NLRP2: variants seen among roughly 807,000 people sequenced by gnomAD.
NLRP2 encodes NLR family pyrin domain containing 2.
In NLRP2, 107 loss-of-function variants were observed where a neutral mutation model predicts 97.2. The observed-to-expected ratio is 1.10, with a 90% CI of 0.94 to 1.29. The LOEUF (loss-of-function observed/expected upper bound fraction) is 1.29, where lower values mean the gene tolerates loss of function less well. NLRP2 is among the 50% of genes most tolerant of loss of function. NLRP2 has a pLI of 0.00. For missense variants in NLRP2, 1,495 were observed against 1,330.3 expected (o/e 1.12, Z -1.93); for synonymous variants, 663 against 551.5 (o/e 1.20, Z -2.83).
At chr19:54,986,556 C>CTTTTT (rs72407709) in intron 8 of NLRP2, among the ~76,000 whole-genome samples, 1 of 144,530 alleles carries the variant, frequency 6.9e-6, no homozygotes. Context: ...TCTTTATCAT[C>CTTTTT]TTTTTTTTTT....
intron 10 of NLRP2, among the ~76,000 whole-genome samples, chr19:54,992,791 T>C (rs1460221215): frequency 6.6e-6 from 1 of 151,852 alleles, no homozygotes; most frequent in Non-Finnish European, 1.5e-5. Flanking sequence ...ATTCCTGACC[T>C]CAGGTGATCC....
At chr19:54,973,344 GTTTTTTTT>G (rs10673643) in intron 2 of NLRP2, among the ~76,000 whole-genome samples, 6 of 92,554 alleles carry the variant, frequency 6.5e-5, no homozygotes, top group Non-Finnish European at 1.2e-4. Flanking sequence ...ATGGGTGAGG[GTTTTTTTT>G]TTTTTTTTTT....
intron 3 of NLRP2, chr19:54,977,077 T>C (rs2071285909): frequency 3.4e-6 from 1 of 296,124 alleles, no homozygotes; most frequent in East Asian, 1.1e-4. Context: ...CCTCCCAAAG[T>C]GTTGGGTTAC....
chr19:54,976,401 GAGTGC>G (rs1256126651), intron 3 of NLRP2, among the ~76,000 whole-genome samples: 5 of 150,732 alleles, frequency 3.3e-5, no homozygotes, highest in Non-Finnish European at 5.9e-5. Flanking sequence ...ACCCAGGCTG[GAGTGC>G]AGTGGTACAA....
At chr19:54,992,789 C>T (rs2072574866) in intron 10 of NLRP2, among the ~76,000 whole-genome samples, 1 of 151,822 alleles carries the variant, frequency 6.6e-6, no homozygotes, top group African/African-American at 2.4e-5. Context: ...GAATTCCTGA[C>T]CTCAGGTGAT....
chr19:54,990,758 A>G (rs995927175), intron 10 of NLRP2, 86 bp downstream of exon 10: 2 of 1,353,748 alleles, frequency 1.5e-6, no homozygotes, highest in Non-Finnish European at 2.1e-6. Context: ...TTATGAGAAC[A>G]CTTAATTCCT....
At position 54,975,912 on chromosome 19, in the gene NLRP2, G is replaced by A. The variant is rs192878289; in HGVS notation, c.325+1368G>A. ...ACTACAGGTGTGCACTGCCACACCT[G>A]ACTAATATTTGTATTTTTGGTAGGG... On this transcript the variant is annotated intron_variant, in intron 3 of 12. Coordinates refer to ENST00000448584, the MANE Select transcript of NLRP2 (RefSeq NM_017852.5). Among the ~76,000 whole-genome samples, 21 of 151,634 alleles carry A rather than the reference G, an allele frequency of 1.4e-4. No individual in the cohort carries two copies. In the Middle Eastern group the frequency reaches 0.01, roughly 74 times the overall value.
intron 7 of NLRP2, among the ~76,000 whole-genome samples, chr19:54,985,561 T>C (rs1429411188): frequency 6.7e-6 from 1 of 148,314 alleles, no homozygotes; most frequent in Non-Finnish European, 1.5e-5. Context: ...ACCTGTAATA[T>C]CAGCTACTTG....
rs112468998 is a variant in NLRP2 at position 54,976,527 on chromosome 19, A to G, written c.326-1225A>G. On this transcript the variant is annotated intron_variant, in intron 3 of 12. Transcript: ENST00000448584. The stretch of plus-strand genomic sequence containing the variant: ...ACGTCTGGCTAATTTTTGTATTTTT[A>G]GTAGAGACAGGGTTTCACCATGTTG... 3.4e-3 allele frequency among the ~76,000 whole-genome samples: 520 copies of G among 151,924 alleles called. 3 individuals carry two copies. Among genetic ancestry groups the G allele is most frequent in the African/African-American group, 0.012 (501 of 41,450 alleles).
chr19:54,973,566 G>A (rs2071010758), intron 2 of NLRP2, among the ~76,000 whole-genome samples: 2 of 151,870 alleles, frequency 1.3e-5, no homozygotes, highest in African/African-American at 4.8e-5. Flanking sequence ...TAGAGACAGG[G>A]TTTTACCATG....
chr19:54,996,054 C>CAAAAAAACAA (rs2072800363), intron 11 of NLRP2, among the ~76,000 whole-genome samples: 4 of 115,900 alleles, frequency 3.5e-5, no homozygotes, highest in African/African-American at 1.2e-4. Flanking sequence ...AAAAAAAAAA[C>CAAAAAAACAA]AAAAAAAACA....
At chr19:54,990,778 C>A (rs1397196609) in intron 10 of NLRP2, 106 bp downstream of exon 10, 2 of 1,194,428 alleles carry the variant, frequency 1.7e-6, no homozygotes, top group African/African-American at 1.5e-5. Flanking sequence ...TCTAAAAGTT[C>A]CAAGCATGAT....
rs930807582 is a variant in NLRP2, at chr19:54,966,460, G to A, written c.-25G>A. On this transcript the variant is annotated 5_prime_UTR_variant, in exon 1 of 13. Coordinates refer to ENST00000448584, the MANE Select transcript of NLRP2 (RefSeq NM_017852.5). Reference sequence around the variant, plus strand: ...TCTCCGCCGGCGAGTAGGGCCAGGTGTTGGGAGGTGAGTAGCTCTCCGGCA... The same window carrying A: ...TCTCCGCCGGCGAGTAGGGCCAGGTATTGGGAGGTGAGTAGCTCTCCGGCA... The A allele has an allele frequency of 6.6e-6, 1 of 152,158 alleles. No individual in the cohort carries two copies. The highest frequency in any genetic ancestry group is 2.4e-5 in the African/African-American group (1 of 41,446). The allele number at this position is 152,158 out of a possible 1,614,324, so 9.4% of individuals were successfully genotyped here. A position where few individuals can be genotyped will look rare whatever the true frequency, so the allele number is the denominator to read the frequency against.
chr19:54,994,360 C>T lies in NLRP2; in HGVS notation c.2800C>T (p.Leu934=). 3 of 1,614,088 alleles carry T rather than the reference C, an allele frequency of 1.9e-6. No individual in the cohort carries two copies. The highest frequency in any genetic ancestry group is 1.1e-5 in the South Asian group (1 of 91,076). The change falls in exon 11 of 13, where the codon CTG becomes TTG. Residue 934 remains leucine, a synonymous_variant. Transcript: ENST00000448584. ...KSSLLCLDLG[L]NHIGVKGMKF... ...AAGCCTGTTGTGTTTGGATCTGGGG[C>T]TGAATCACATAGGAGTTAAGGGAAT...
chr19:54,996,200 G>A (rs544324989), intron 11 of NLRP2, among the ~76,000 whole-genome samples: 3 of 152,056 alleles, frequency 2.0e-5, no homozygotes, highest in African/African-American at 7.2e-5. Context: ...GAGTGAGACC[G>A]TGTTTCAAAA....
At position 54,990,692 on chromosome 19, in the gene NLRP2, CTG is replaced by C. The variant is rs2072417865; in HGVS notation, c.2708+25_2708+26del. The C allele has an allele frequency of 6.2e-7, 1 of 1,613,988 alleles. No homozygotes were observed. On this transcript the variant is annotated intron_variant, in intron 10 of 12. Coordinates refer to ENST00000448584, the MANE Select transcript of NLRP2 (RefSeq NM_017852.5). ...CTTGGTGTAAGTCCGTGCTGGCTGC[CTG>C]TGTGCGTGGGTGTATATGCACACGC...
intron 3 of NLRP2, among the ~76,000 whole-genome samples, chr19:54,977,214 G>A (rs2071293526): frequency 6.6e-6 from 1 of 152,094 alleles, no homozygotes; most frequent in East Asian, 1.9e-4. Flanking sequence ...CTGAGGTTGG[G>A]AGTTCGAGAC....
chr19:54,969,444 C>T (rs1411390738), intron 1 of NLRP2, among the ~76,000 whole-genome samples: 2 of 148,236 alleles, frequency 1.3e-5, no homozygotes, highest in Admixed American at 1.4e-4. Context: ...CAGCACTGCA[C>T]TCCAGCCAGG....
rs2072446096 is a variant in NLRP2, at chr19:54,991,096, A to G, written c.2708+424A>G. 6 of 192,894 alleles carry G rather than the reference A, an allele frequency of 3.1e-5. No homozygotes were observed. In the South Asian group the frequency reaches 6.6e-4, roughly 21 times the overall value. The allele number at this position is 192,894 out of a possible 1,614,324, so 11.9% of individuals were successfully genotyped here. A position where few individuals can be genotyped will look rare whatever the true frequency, so the allele number is the denominator to read the frequency against. ...GTGTTCTTAGAACTATAACTGTAAC[A>G]TAAATTGCATGCAATTGGTTGTAAA... On this transcript the variant is annotated intron_variant, in intron 10 of 12. Transcript: ENST00000448584.
Sources: allele counts gnomAD v4.1 joint callset (sites outside exome capture counted in the v4.1 genomes callset), GRCh38; gene constraint gnomAD v4.1.1; transcripts MANE v1.5; gene names NCBI Gene and HGNC (gene_info 2026-07-23, HGNC 2026-07-21).